Variants in ADAMTS19 observed in about 807,000 individuals in gnomAD.
ADAMTS19 encodes the protein A disintegrin and metalloproteinase with thrombospondin motifs 19.
Under a neutral mutation model 153.3 loss-of-function variants are expected in ADAMTS19, and 93 were observed. The ratio of observed to expected loss-of-function variants is 0.61; its 90% CI spans 0.51 to 0.72. The LOEUF (loss-of-function observed/expected upper bound fraction) is 0.72, where lower values mean the gene tolerates loss of function less well. Among genes scored for constraint, ADAMTS19 ranks in the 30% least tolerant of loss-of-function variants. The pLI is 0.00. For synonymous variants in ADAMTS19, 600 were observed against 556.6 expected, an observed-to-expected ratio of 1.08 and a Z score of -1.10; for missense variants, 1,482 against 1,552.1, an observed-to-expected ratio of 0.95 and a Z score of 0.76.
intron 18 of ADAMTS19, among the ~76,000 whole-genome samples, chr5:129,689,473 A>T (rs1158065679): frequency 6.6e-6 from 1 of 152,162 alleles, no homozygotes; most frequent in East Asian, 1.9e-4. Flanking sequence ...TGCCCAGGCT[A>T]GAGTGCAGTG....
Position 129,609,196 on chromosome 5 carries a change from G to A in ADAMTS19, c.1479-11422G>A, listed in dbSNP as rs73248569. Among the ~76,000 whole-genome samples the A allele has an allele frequency of 7.7e-3, 1,169 of 152,290 alleles. 14 individuals carry two copies. The highest frequency in any genetic ancestry group is 0.027 in the African/African-American group (1,121 of 41,564). ...CCTATGTGGATAGTTGAGAGGGAAA[G>A]TGCATTATTAGACATACAGCCTTGG... On this transcript the variant is annotated intron_variant, in intron 8 of 22. Transcript: ENST00000274487.
chr5:129,632,471 T>G (rs1045757078), intron 10 of ADAMTS19, among the ~76,000 whole-genome samples: 1 of 151,970 alleles, frequency 6.6e-6, no homozygotes, highest in African/African-American at 2.4e-5. Context: ...GTAAAAATAG[T>G]CTTTTACTTT....
At chr5:129,716,208 A>AT (rs1561666679) in intron 21 of ADAMTS19, among the ~76,000 whole-genome samples, 1 of 151,626 alleles carries the variant, frequency 6.6e-6, no homozygotes, top group Non-Finnish European at 1.5e-5. Context: ...ATTTGTATTT[A>AT]TTTTTTTGAT....
chr5:129,674,256 AT>A (rs60428865), intron 16 of ADAMTS19, among the ~76,000 whole-genome samples: 5 of 151,538 alleles, frequency 3.3e-5, no homozygotes, highest in Non-Finnish European at 7.4e-5. Context: ...CATTAAATCC[AT>A]TTTTTTTAAT....
intron 8 of ADAMTS19, among the ~76,000 whole-genome samples, chr5:129,613,850 G>T (rs1178382925): frequency 2.0e-5 from 3 of 151,898 alleles, no homozygotes; most frequent in Admixed American, 1.3e-4. Context: ...ATGATAAAGG[G>T]GATATCACCA....
chr5:129,602,826 C>CTCTGTGTG (rs143456636), intron 8 of ADAMTS19, among the ~76,000 whole-genome samples: 36 of 146,618 alleles, frequency 2.5e-4, no homozygotes, highest in African/African-American at 8.3e-4. Context: ...CTTATATTCT[C>CTCTGTGTG]TGTGTGTGTG....
Position 129,461,458 on chromosome 5 carries a change from C to A in ADAMTS19, c.448C>A (p.Pro150Thr). The A allele has an allele frequency of 6.9e-7, 1 of 1,452,544 alleles. No individual in the cohort carries two copies. The highest frequency in any genetic ancestry group is 9.0e-7 in the Non-Finnish European group (1 of 1,112,598). The allele number at this position is 1,452,544 out of a possible 1,614,324, so 90.0% of individuals were successfully genotyped here. A position where few individuals can be genotyped will look rare whatever the true frequency, so the allele number is the denominator to read the frequency against. Residue 150 changes from proline to threonine, a missense_variant, in exon 2 of 23, where the codon CCT (proline) becomes ACT (threonine). Pro to Thr is a conservative substitution (Grantham distance 38). Transcript: ENST00000274487. The surrounding 1 kb of genome is among the most constrained non-coding windows in gnomAD (Gnocchi z 4.6). ...PGAPASWQPP[P>T]PPQPPPSPPP... ...CGCCCCGGCCTCGTGGCAGCCGCCG[C>A]CTCCCCCGCAGCCGCCCCCGTCCCC...
chr5:129,542,742 C>G (rs1433098906), intron 6 of ADAMTS19, among the ~76,000 whole-genome samples: 2 of 152,216 alleles, frequency 1.3e-5, no homozygotes, highest in East Asian at 3.9e-4. Flanking sequence ...TATATATTTA[C>G]AGTAAAAGTT....
At chr5:129,570,649 A>G (rs1203954772) in intron 7 of ADAMTS19, among the ~76,000 whole-genome samples, 1 of 151,892 alleles carries the variant, frequency 6.6e-6, no homozygotes, top group Non-Finnish European at 1.5e-5. Flanking sequence ...AAAAACGTAT[A>G]CACCAATATT....
intron 16 of ADAMTS19, among the ~76,000 whole-genome samples, chr5:129,667,862 C>T (rs1319929781): frequency 6.6e-6 from 1 of 152,112 alleles, no homozygotes; most frequent in African/African-American, 2.4e-5. Flanking sequence ...ATTTGATTTC[C>T]ACTCCATGCT....
intron 16 of ADAMTS19, 26 bp from the exon 17 acceptor site, chr5:129,679,738 C>A: frequency 6.4e-7 from 1 of 1,551,978 alleles, no homozygotes; most frequent in Non-Finnish European, 8.7e-7. Flanking sequence ...TGTTAATACT[C>A]ATTATATTTT....
chr5:129,654,438 G>T lies in ADAMTS19; in HGVS notation c.2304+5G>T. ...TGTGCAAATGGCAGGTGCCAGGTAA[G>T]ACATTCCAAAAAAAAAAAGAATTTA... is the stretch of plus-strand genomic sequence containing the variant. On this transcript the variant is annotated splice_donor_5th_base_variant and intron_variant, in intron 14 of 22. Transcript: ENST00000274487. The T allele has an allele frequency of 6.3e-7, 1 of 1,594,520 alleles. No individual in the cohort carries two copies. The highest frequency in any genetic ancestry group is 1.2e-5 in the South Asian group (1 of 86,550).
intron 2 of ADAMTS19, among the ~76,000 whole-genome samples, chr5:129,475,393 C>T (rs776972546): frequency 1.3e-5 from 2 of 152,114 alleles, no homozygotes; most frequent in Non-Finnish European, 2.9e-5. Flanking sequence ...CGCAAATGTG[C>T]GAGTTTATTT....
chr5:129,502,227 G>A lies in ADAMTS19; in HGVS notation c.748-6850G>A, dbSNP rs540165972. On this transcript the variant is annotated intron_variant, in intron 2 of 22. Coordinates refer to ENST00000274487, the MANE Select transcript of ADAMTS19 (RefSeq NM_133638.6). ...GAAAAGTGGGCAAGGATCAAATGCC[G>A]CAGAGAGGGGAATAAAAAAGGAAAT... Among the ~76,000 whole-genome samples, 97 of 152,162 alleles carry A rather than the reference G, an allele frequency of 6.4e-4. 1 individual carries two copies. The highest frequency in any genetic ancestry group is 1.6e-3 in the African/African-American group (67 of 41,520).
intron 3 of ADAMTS19, among the ~76,000 whole-genome samples, chr5:129,514,978 T>G (rs900633197): frequency 6.6e-6 from 1 of 152,092 alleles, no homozygotes; most frequent in Admixed American, 6.6e-5. Flanking sequence ...TGGTGAGAGA[T>G]AGGGATAAAG....
rs542607860 is a variant in ADAMTS19, at chr5:129,467,083, T to C, written c.747+5326T>C. Among the ~76,000 whole-genome samples, 3 of 152,324 alleles carry C rather than the reference T, an allele frequency of 2.0e-5. No homozygotes were observed. In the South Asian group the frequency reaches 6.2e-4, roughly 32 times the overall value. On this transcript the variant is annotated intron_variant, in intron 2 of 22. Transcript: ENST00000274487. Reference sequence around the variant, plus strand: ...ATTTAATTATTTAATATTTAAATATTGATTAAATTATACAATTACAGAATG... The same window carrying C: ...ATTTAATTATTTAATATTTAAATATCGATTAAATTATACAATTACAGAATG...
chr5:129,517,089 A>C (rs1269814829), intron 3 of ADAMTS19, among the ~76,000 whole-genome samples: 1 of 151,846 alleles, frequency 6.6e-6, no homozygotes, highest in Non-Finnish European at 1.5e-5. Context: ...CATAATTTCC[A>C]AAATTCCCTC....
intron 8 of ADAMTS19, among the ~76,000 whole-genome samples, chr5:129,605,424 G>A (rs1581135695): frequency 2.6e-5 from 4 of 152,234 alleles, no homozygotes; most frequent in South Asian, 4.1e-4. Context: ...CCTTTCCTTT[G>A]ATTTCTGCCT....
chr5:129,537,360 C>T (rs1310684001), intron 6 of ADAMTS19, among the ~76,000 whole-genome samples: 4 of 152,124 alleles, frequency 2.6e-5, no homozygotes, highest in Admixed American at 6.6e-5. Context: ...TTGTGGAAGT[C>T]GGTGTTGCGA....
Sources: allele counts gnomAD v4.1 joint callset (sites outside exome capture counted in the v4.1 genomes callset), GRCh38; gene constraint gnomAD v4.1.1; non-coding constraint Gnocchi (gnomAD v3.1); transcripts MANE v1.5; gene names NCBI Gene and HGNC (gene_info 2026-07-23, HGNC 2026-07-21).